Variants in EFNA2 observed in about 807,000 individuals in gnomAD.
EFNA2 encodes the protein ephrin-A2.
EFNA2 carries 18 observed loss-of-function variants against 19.7 expected under a neutral mutation model. The ratio of observed to expected loss-of-function variants is 0.91; its 90% CI spans 0.63 to 1.35. The LOEUF is 1.35. EFNA2 is among the 40% of genes most tolerant of loss of function. The probability of loss-of-function intolerance (pLI) is 0.00; values close to 1 mark genes in which losing one functional copy is unlikely to be tolerated. For missense variants in EFNA2, 303 were observed against 296.0 expected, an observed-to-expected ratio of 1.02 and a Z score of -0.17; for synonymous variants, 187 against 137.8, an observed-to-expected ratio of 1.36 and a Z score of -2.50.
Position 1,300,051 on chromosome 19 carries a change from G to GAC in EFNA2, c.*107_*108dup. ...GCCCCCGCCTCCGAGACCAAATAGA[G>GAC]ACGCTGCTTCTCCCTCGCCTGGTGC... On this transcript the variant is annotated 3_prime_UTR_variant, in exon 4 of 4. Coordinates refer to ENST00000215368, the MANE Select transcript of EFNA2 (RefSeq NM_001405.4). The GAC allele has an allele frequency of 7.1e-7, 1 of 1,403,630 alleles. No homozygotes were observed. Among genetic ancestry groups the GAC allele is most frequent in the Non-Finnish European group, 9.4e-7 (1 of 1,068,078 alleles). 86.9% of individuals were successfully genotyped at this position (1,403,630 alleles called of 1,614,324 possible).
chr19:1,299,804 G>A lies in EFNA2; in HGVS notation c.521-20G>A. 6.3e-7 allele frequency: 1 copy of A among 1,588,952 alleles called. No individual in the cohort carries two copies. Among genetic ancestry groups the A allele is most frequent in the Non-Finnish European group, 8.5e-7 (1 of 1,171,802 alleles). On this transcript the variant is annotated intron_variant, in intron 3 of 3. Coordinates refer to ENST00000215368, the MANE Select transcript of EFNA2 (RefSeq NM_001405.4). Reference sequence around the variant, plus strand: ...TGGGGTTCGGGCGGCCGCTGAGCGTGCTGTCTCTGCCACCCGCAGACGAGA... The same window carrying A: ...TGGGGTTCGGGCGGCCGCTGAGCGTACTGTCTCTGCCACCCGCAGACGAGA...
chr19:1,290,822 C>G (rs1256257237), intron 1 of EFNA2, among the ~76,000 whole-genome samples: 1 of 152,180 alleles, frequency 6.6e-6, no homozygotes, highest in Admixed American at 6.5e-5. Flanking sequence ...GCGGCTGGAG[C>G]CTGCGGAGGA....
chr19:1,290,818 G>A (rs796221133), intron 1 of EFNA2, among the ~76,000 whole-genome samples: 8 of 152,308 alleles, frequency 5.3e-5, no homozygotes, highest in African/African-American at 1.9e-4. Context: ...ACACGCGGCT[G>A]GAGCCTGCGG....
At position 1,296,713 on chromosome 19, in the gene EFNA2, C is replaced by G. The variant is rs1482601624; in HGVS notation, c.454+855C>G. Reference sequence around the variant, plus strand: ...AGCCGCACCCAGACTGGGTAGGGGTCTCCAGGTCCTCCCTGCCCCGCACCC... The same window carrying G: ...AGCCGCACCCAGACTGGGTAGGGGTGTCCAGGTCCTCCCTGCCCCGCACCC... On this transcript the variant is annotated intron_variant, in intron 2 of 3. Coordinates refer to ENST00000215368, the MANE Select transcript of EFNA2 (RefSeq NM_001405.4). This position sits in a 1 kb window ranked among gnomAD's most constrained non-coding sequence, Gnocchi z 4.4. 1.3e-5 allele frequency among the ~76,000 whole-genome samples: 2 copies of G among 152,208 alleles called. No individual in the cohort carries two copies. Among genetic ancestry groups the G allele is most frequent in the Non-Finnish European group, 2.9e-5 (2 of 68,040 alleles).
At chr19:1,285,818 G>A (rs1323022685), upstream of EFNA2, among the ~76,000 whole-genome samples, 2 of 148,254 alleles carry the variant, frequency 1.3e-5, no homozygotes, top group Non-Finnish European at 3.0e-5. The surrounding 1 kb of genome is among the most constrained non-coding windows in gnomAD (Gnocchi z 4.1). Flanking sequence ...CGCGGCCGGG[G>A]CACGGCGGGA....
At position 1,299,980 on chromosome 19, in the gene EFNA2, G is replaced by GGCCCCGCCTGGACC. The variant is rs1415370172; in HGVS notation, c.*39_*52dup. 1.9e-6 allele frequency: 3 copies of GGCCCCGCCTGGACC among 1,556,640 alleles called. No homozygotes were observed. Among genetic ancestry groups the GGCCCCGCCTGGACC allele is most frequent in the Non-Finnish European group, 2.6e-6 (3 of 1,155,944 alleles). ...CGCAGGACGCCGACCCTGCCTGGACGGCCCCGCCTGGACCGCCTGACCTCG... is the reference window on the plus strand; with the variant it reads ...CGCAGGACGCCGACCCTGCCTGGACGGCCCCGCCTGGACCGCCCCGCCTGGACCGCCTGACCTCG... On this transcript the variant is annotated 3_prime_UTR_variant, in exon 4 of 4. Coordinates refer to ENST00000215368, the MANE Select transcript of EFNA2 (RefSeq NM_001405.4).
intron 1 of EFNA2, among the ~76,000 whole-genome samples, chr19:1,291,904 C>G (rs1052133293): frequency 6.6e-6 from 1 of 152,134 alleles, no homozygotes; most frequent in African/African-American, 2.4e-5. Flanking sequence ...TGCCTGGAGG[C>G]GTGGACTTTG....
At chr19:1,292,377 C>T (rs2144617360) in intron 1 of EFNA2, among the ~76,000 whole-genome samples, 1 of 152,388 alleles carries the variant, frequency 6.6e-6, no homozygotes, top group East Asian at 1.9e-4. Context: ...ACAACTCTGG[C>T]ATTGCAAAGT....
intron 3 of EFNA2, among the ~76,000 whole-genome samples, chr19:1,298,963 G>A (rs1029333523): frequency 6.6e-5 from 10 of 150,418 alleles, no homozygotes; most frequent in African/African-American, 2.5e-4. Flanking sequence ...AAAGCAGGCC[G>A]GTTGGGTGGC....
chr19:1,295,508 C>G lies in EFNA2; in HGVS notation c.141-37C>G, dbSNP rs543037679. On this transcript the variant is annotated intron_variant, in intron 1 of 3. Transcript: ENST00000215368. The surrounding 1 kb of genome is among the most constrained non-coding windows in gnomAD (Gnocchi z 5.8). Reference sequence around the variant, plus strand: ...ACCCCGACCCGTGCCCCGTTCCTCGCTCCGGGCGCTGACCTCTGGCCGCCT... The same window carrying G: ...ACCCCGACCCGTGCCCCGTTCCTCGGTCCGGGCGCTGACCTCTGGCCGCCT... 34 of 1,510,316 alleles carry G rather than the reference C, an allele frequency of 2.3e-5. 1 individual carries two copies. In the South Asian group the frequency reaches 4.2e-4, roughly 19 times the overall value. The allele number at this position is 1,510,316 out of a possible 1,614,324, so 93.6% of individuals were successfully genotyped here.
rs1328184187 is a variant in EFNA2, at chr19:1,294,645, A to G, written c.141-900A>G. Among the ~76,000 whole-genome samples the G allele has an allele frequency of 7.2e-6, 1 of 139,818 alleles. No homozygotes were observed. Among genetic ancestry groups the G allele is most frequent in the Non-Finnish European group, 1.5e-5 (1 of 65,052 alleles). The allele number at this position is 139,818 out of a possible 152,430, so 91.7% of individuals were successfully genotyped here. A position where few individuals can be genotyped will look rare whatever the true frequency, so the allele number is the denominator to read the frequency against. On this transcript the variant is annotated intron_variant, in intron 1 of 3. Coordinates refer to ENST00000215368, the MANE Select transcript of EFNA2 (RefSeq NM_001405.4). The surrounding 1 kb of genome is among the most constrained non-coding windows in gnomAD (Gnocchi z 5.8). ...CCAGGATGTCTCCGAGCTGGGCGGC[A>G]GGTGGAACTCGGCAGGCTGAGAGAG...
At position 1,299,867 on chromosome 19, in the gene EFNA2, T is replaced by A. The variant is rs1171888393; in HGVS notation, c.564T>A (p.Asn188Lys). The A allele has an allele frequency of 1.2e-6, 2 of 1,605,098 alleles. No individual in the cohort carries two copies. Among genetic ancestry groups the A allele is most frequent in the East Asian group, 4.5e-5 (2 of 44,722 alleles). ...YEAPEPIFTS[N>K]NSCSSPGGCR... ...CTCCTGAGCCCATCTTCACCAGCAA[T>A]AACTCGTGTAGCAGCCCGGGCGGCT... Residue 188 changes from asparagine (N) to lysine (K), a missense_variant, in exon 4 of 4, where the codon AAT becomes AAA. Coordinates refer to ENST00000215368, the MANE Select transcript of EFNA2 (RefSeq NM_001405.4).
chr19:1,286,249 G>T lies in EFNA2; in HGVS notation c.81G>T (p.Glu27Asp). The change falls in exon 1 of 4, where the codon GAG (glutamate) becomes GAT (aspartate). Residue 27 changes from glutamate to aspartate, a missense_variant. Transcript: ENST00000215368. This position sits in a 1 kb window ranked among gnomAD's most constrained non-coding sequence, Gnocchi z 5.6. ...CGCCGCCGCCCTTCGCGCGCGCCGA[G>T]GACGCCGCCCGCGCCAACTCGGACC... is the stretch of plus-strand genomic sequence containing the variant. ...PLPPPPFARAEDAARANSDRY... is the reference protein window; with the variant it reads ...PLPPPPFARADDAARANSDRY... The T allele has an allele frequency of 8.8e-7, 1 of 1,130,346 alleles. No individual in the cohort carries two copies. The highest frequency in any genetic ancestry group is 1.1e-6 in the Non-Finnish European group (1 of 908,046). 70.0% of individuals were successfully genotyped at this position (1,130,346 alleles called of 1,614,324 possible).
At chr19:1,298,691 C>T in intron 3 of EFNA2, 75 bp downstream of exon 3, 1 of 1,534,358 alleles carries the variant, frequency 6.5e-7, no homozygotes, top group Non-Finnish European at 8.9e-7. Context: ...AGTGAGTGTT[C>T]AGAAGAGCCA....
Position 1,300,067 on chromosome 19 carries a change from C to T in EFNA2, c.*122C>T, listed in dbSNP as rs2081533868. 2 of 1,330,676 alleles carry T rather than the reference C, an allele frequency of 1.5e-6. No homozygotes were observed. Among genetic ancestry groups the T allele is most frequent in the South Asian group, 1.5e-5 (1 of 65,756 alleles). The allele number at this position is 1,330,676 out of a possible 1,614,324, so 82.4% of individuals were successfully genotyped here. A position where few individuals can be genotyped will look rare whatever the true frequency, so the allele number is the denominator to read the frequency against. On this transcript the variant is annotated 3_prime_UTR_variant, in exon 4 of 4. Transcript: ENST00000215368. The stretch of plus-strand genomic sequence containing the variant: ...CCAAATAGAGACGCTGCTTCTCCCT[C>T]GCCTGGTGCCGCCCCCGCCGGGCAG...
In EFNA2 at chr19:1,296,488, CCTT is replaced by C. The variant is rs754368408; in HGVS notation, c.454+633_454+635del. 6.6e-6 allele frequency among the ~76,000 whole-genome samples: 1 copy of C among 152,124 alleles called. No individual in the cohort carries two copies. Among genetic ancestry groups the C allele is most frequent in the Non-Finnish European group, 1.5e-5 (1 of 68,012 alleles). Reference sequence around the variant, plus strand: ...GGCCAGCGTGGACAACGTAGGGAGACCTTCTCTCTACAAAAACATAAAAACAAT... The same window carrying C: ...GGCCAGCGTGGACAACGTAGGGAGACCTCTCTACAAAAACATAAAAACAAT... On this transcript the variant is annotated intron_variant, in intron 2 of 3. Coordinates refer to ENST00000215368, the MANE Select transcript of EFNA2 (RefSeq NM_001405.4). This position sits in a 1 kb window ranked among gnomAD's most constrained non-coding sequence, Gnocchi z 4.4.
At chr19:1,298,668 A>C in intron 3 of EFNA2, 52 bp downstream of exon 3, 1 of 1,592,674 alleles carries the variant, frequency 6.3e-7, no homozygotes, top group Non-Finnish European at 8.6e-7. Flanking sequence ...CTGTGTCCTA[A>C]ACCCACAGAA....
In EFNA2 at chr19:1,300,153, C is replaced by CG. The variant is rs1277382956; in HGVS notation, c.*208_*209insG. On this transcript the variant is annotated 3_prime_UTR_variant, in exon 4 of 4. Transcript: ENST00000215368. ...AGGGGAAACGGCCGAGAGCCCCCCC[C>CG]CGGAGGCCCGAGGGGCCGGGGTGTG... The CG allele has an allele frequency of 9.5e-6, 6 of 631,492 alleles. No individual in the cohort carries two copies. The highest frequency in any genetic ancestry group is 3.9e-5 in the African/African-American group (2 of 51,116). The allele number at this position is 631,492 out of a possible 1,614,324, so 39.1% of individuals were successfully genotyped here. A position where few individuals can be genotyped will look rare whatever the true frequency, so the allele number is the denominator to read the frequency against.
rs116014859 is a variant in EFNA2, at chr19:1,286,730, G to A, written c.140+422G>A. 0.015 allele frequency among the ~76,000 whole-genome samples: 2,283 copies of A among 152,314 alleles called. 64 individuals are homozygous for A. The highest frequency in any genetic ancestry group is 0.053 in the African/African-American group (2,195 of 41,570). On this transcript the variant is annotated intron_variant, in intron 1 of 3. Transcript: ENST00000215368. This position sits in a 1 kb window ranked among gnomAD's most constrained non-coding sequence, Gnocchi z 5.6. ...GGGGATCCCCGGGGACCTTGGCACC[G>A]GAGGTGGGGGACTGTGGCCCTCGAG...
Sources: gnomAD v4.1 joint callset for allele counts (sites outside exome capture counted in the v4.1 genomes callset) on GRCh38, gnomAD v4.1.1 for gene constraint, Gnocchi (gnomAD v3.1) non-coding constraint, MANE v1.5 for transcripts, NCBI Gene and HGNC (gene_info 2026-07-23, HGNC 2026-07-21) for gene names.